GFRA2: variants seen among roughly 807,000 people sequenced by gnomAD.
GFRA2 encodes GDNF family receptor alpha-2.
A neutral mutation model predicts 48.3 loss-of-function variants in GFRA2; 17 were observed. The observed-to-expected ratio is 0.35, with a 90% CI of 0.24 to 0.53. GFRA2 has a LOEUF of 0.53. GFRA2 is among the 20% of genes least tolerant of loss of function. The pLI is 0.93. For synonymous variants in GFRA2, 305 were observed against 257.2 expected, an observed-to-expected ratio of 1.19 and a Z score of -1.78; for missense variants, 660 against 637.3, an observed-to-expected ratio of 1.04 and a Z score of -0.38.
rs1805259836 is a variant in GFRA2, at chr8:21,750,899, G to A, written c.483C>T (p.Cys161=). Residue 161 remains cysteine (C), a synonymous_variant, in exon 4 of 9, where the codon TGC becomes TGT. Transcript: ENST00000524240. This position sits in a 1 kb window ranked among gnomAD's most constrained non-coding sequence, Gnocchi z 5.7. ...DPVVSAKSNH[C]LDAAKACNLN... ...GGTTGCAGGCCTTGGCAGCATCCAG[G>A]CAATGGTTGCTCTTGGCGCTGACCA... 1.2e-6 allele frequency: 2 copies of A among 1,613,422 alleles called. No individual in the cohort carries two copies. Among genetic ancestry groups the A allele is most frequent in the Non-Finnish European group, 1.7e-6 (2 of 1,179,766 alleles).
chr8:21,792,308 G>C (rs1368662584), upstream of GFRA2, among the ~76,000 whole-genome samples: 2 of 152,184 alleles, frequency 1.3e-5, no homozygotes, highest in Non-Finnish European at 2.9e-5. Flanking sequence ...GAAGGCTGAG[G>C]GTTCCCTGAC....
rs74969594 is a variant in GFRA2, at chr8:21,694,649, G to A, written c.1219-132C>T. 2.4e-3 allele frequency: 1,899 copies of A among 801,890 alleles called. 87 individuals are homozygous for A. The East Asian group carries it at 0.05, about 21-fold the overall frequency. The allele number at this position is 801,890 out of a possible 1,614,324, so 49.7% of individuals were successfully genotyped here. A position where few individuals can be genotyped will look rare whatever the true frequency, so the allele number is the denominator to read the frequency against. ...GCACAGCCAGCGCACACGGTGAAGA[G>A]GGTAGCTCAATTCCACCCAGCACAA... On this transcript the variant is annotated intron_variant, in intron 7 of 8. Coordinates refer to ENST00000524240, the MANE Select transcript of GFRA2 (RefSeq NM_001495.5).
intron 3 of GFRA2, among the ~76,000 whole-genome samples, chr8:21,760,806 G>A (rs541941460): frequency 6.6e-6 from 1 of 152,128 alleles, no homozygotes; most frequent in African/African-American, 2.4e-5. Flanking sequence ...ACTCTGGGTC[G>A]CCTTATGTTC....
chr8:21,788,707 G>A lies in GFRA2; in HGVS notation c.-548C>T. 3.1e-6 allele frequency: 3 copies of A among 982,096 alleles called. No homozygotes were observed. The highest frequency in any genetic ancestry group is 3.6e-6 in the Non-Finnish European group (3 of 826,994). 60.8% of individuals were successfully genotyped at this position (982,096 alleles called of 1,614,324 possible). Reference sequence around the variant, plus strand: ...ACTGGAGTCGCTTCTTTCGCACCAAGACGAAGACAAGATTCAAAAAAATCT... The same window carrying A: ...ACTGGAGTCGCTTCTTTCGCACCAAAACGAAGACAAGATTCAAAAAAATCT... On this transcript the variant is annotated 5_prime_UTR_variant, in exon 1 of 9. Transcript: ENST00000524240.
chr8:21,757,112 G>A (rs939881542), intron 3 of GFRA2, among the ~76,000 whole-genome samples: 8 of 152,204 alleles, frequency 5.3e-5, no homozygotes, highest in Admixed American at 5.2e-4. Flanking sequence ...CTCCCTGGGT[G>A]AGGGCCAGAC....
At chr8:21,740,365 C>A (rs113865301) in intron 4 of GFRA2, among the ~76,000 whole-genome samples, 1,936 of 152,276 alleles carry the variant, frequency 0.013, 38 homozygotes, top group African/African-American at 0.044. Context: ...AACCAACTGG[C>A]CAACATTTCT....
intron 4 of GFRA2, among the ~76,000 whole-genome samples, chr8:21,719,021 C>T (rs1010391305): frequency 1.3e-5 from 2 of 152,166 alleles, no homozygotes; most frequent in East Asian, 3.9e-4. Context: ...TCCTTGGCCC[C>T]CCCTTGCCAT....
intron 4 of GFRA2, among the ~76,000 whole-genome samples, chr8:21,717,334 A>G (rs36000494): frequency 0.018 from 2,705 of 152,366 alleles, 38 homozygotes; most frequent in Middle Eastern, 0.051. Context: ...GCAAGGATGT[A>G]GATCGTGTCA....
intron 4 of GFRA2, among the ~76,000 whole-genome samples, chr8:21,720,191 T>C (rs1803528503): frequency 6.6e-6 from 1 of 152,200 alleles, no homozygotes; most frequent in Non-Finnish European, 1.5e-5. Context: ...AAGTCAGAGA[T>C]GAATGCTTGG....
intron 4 of GFRA2, among the ~76,000 whole-genome samples, chr8:21,726,349 C>A (rs1803869290): frequency 6.6e-6 from 1 of 152,238 alleles, no homozygotes; most frequent in African/African-American, 2.4e-5. Context: ...CAAGACAGTC[C>A]TTCTCTGGCT....
intron 1 of GFRA2, among the ~76,000 whole-genome samples, chr8:21,784,069 A>C (rs979173473): frequency 2.6e-5 from 4 of 151,858 alleles, no homozygotes; most frequent in African/African-American, 9.7e-5. Context: ...CTCCTCCACC[A>C]ATGTGCAATC....
intron 3 of GFRA2, among the ~76,000 whole-genome samples, chr8:21,761,949 CTAAAAAAAT>C (rs933407614): frequency 3.4e-4 from 51 of 151,686 alleles, no homozygotes; most frequent in Middle Eastern, 3.4e-3. Flanking sequence ...GAGACTCTGT[CTAAAAAAAT>C]TAAAAAAATT....
chr8:21,717,416 C>T (rs750383011), intron 4 of GFRA2, among the ~76,000 whole-genome samples: 12 of 152,108 alleles, frequency 7.9e-5, no homozygotes, highest in Admixed American at 2.6e-4. Context: ...TTATGCCCCC[C>T]GGTTACAAAT....
At chr8:21,788,917 G>T, upstream of GFRA2, 1 of 503,136 alleles carries the variant, frequency 2.0e-6, no homozygotes, top group Non-Finnish European at 2.6e-6. Flanking sequence ...CACTCTCCCT[G>T]CTCCTCCCTC....
chr8:21,728,591 A>G (rs1417123744), intron 4 of GFRA2, among the ~76,000 whole-genome samples: 1 of 152,140 alleles, frequency 6.6e-6, no homozygotes, highest in Non-Finnish European at 1.5e-5. Context: ...TAGCATTTTC[A>G]TAAGCACCAT....
chr8:21,739,466 C>G (rs1804644631), intron 4 of GFRA2, among the ~76,000 whole-genome samples: 1 of 152,192 alleles, frequency 6.6e-6, no homozygotes, highest in African/African-American at 2.4e-5. Flanking sequence ...TAATCCAGGA[C>G]CCCTTCCCCC....
chr8:21,742,970 C>T (rs1002550850), intron 4 of GFRA2, among the ~76,000 whole-genome samples: 13 of 152,210 alleles, frequency 8.5e-5, no homozygotes, highest in Admixed American at 3.9e-4. Flanking sequence ...AGCATGAATC[C>T]TATCTTGTAA....
intron 4 of GFRA2, among the ~76,000 whole-genome samples, chr8:21,711,127 C>T (rs1424159784): frequency 6.6e-6 from 1 of 152,224 alleles, no homozygotes; most frequent in East Asian, 1.9e-4. Flanking sequence ...TACAAGGCTG[C>T]TGGTGATCTC....
At chr8:21,738,230 C>T (rs1183645432) in intron 4 of GFRA2, among the ~76,000 whole-genome samples, 1 of 129,718 alleles carries the variant, frequency 7.7e-6, no homozygotes, top group South Asian at 3.0e-4. Context: ...CTCCCCTCTT[C>T]CCCACCCCCT....
Sources: allele counts gnomAD v4.1 joint callset (sites outside exome capture counted in the v4.1 genomes callset), GRCh38; gene constraint gnomAD v4.1.1; non-coding constraint Gnocchi (gnomAD v3.1); transcripts MANE v1.5; gene names NCBI Gene and HGNC (gene_info 2026-07-23, HGNC 2026-07-21).